The following VWDE variants were observed in gnomAD, a reference collection of about 807,000 sequenced individuals.
VWDE encodes the protein von Willebrand factor D and EGF domain-containing protein.
In VWDE, 207 loss-of-function variants were observed where a neutral mutation model predicts 178.4. That is an observed-to-expected ratio of 1.16 (90% CI 1.04 to 1.30). The LOEUF is 1.30. Among genes scored for constraint, VWDE ranks in the 50% most tolerant of loss-of-function variants. VWDE has a pLI of 0.00. For synonymous variants in VWDE, 738 were observed against 651.4 expected (o/e 1.13, Z -2.02); for missense variants, 2,287 against 1,901.3 (o/e 1.20, Z -3.77).
intron 12 of VWDE, 75 bp downstream of exon 12, chr7:12,369,470 G>T: frequency 7.0e-7 from 1 of 1,432,912 alleles, no homozygotes; most frequent in Non-Finnish European, 9.2e-7. Flanking sequence ...GGATACTGAG[G>T]GTGAAATAAA....
chr7:12,354,332 G>C (rs1001968296), intron 18 of VWDE: 3 of 407,834 alleles, frequency 7.4e-6, no homozygotes, highest in Non-Finnish European at 1.4e-5. Context: ...TCTCATAGCA[G>C]AAAATAGAAA....
chr7:12,354,040 T>A (rs1344224115), intron 18 of VWDE: 1 of 158,528 alleles, frequency 6.3e-6, no homozygotes, highest in Non-Finnish European at 1.4e-5. Context: ...TAAAACTTTT[T>A]CATTATTTCT....
At chr7:12,362,286 C>T (rs1397597042) in intron 13 of VWDE, among the ~76,000 whole-genome samples, 1 of 151,612 alleles carries the variant, frequency 6.6e-6, no homozygotes, top group Non-Finnish European at 1.5e-5. Context: ...TGTTCAAGTC[C>T]CAAGTTCAAG....
intron 6 of VWDE, 140 bp downstream of exon 6, chr7:12,379,337 C>G: frequency 2.0e-6 from 1 of 495,798 alleles, no homozygotes; most frequent in Non-Finnish European, 3.4e-6. Context: ...TGGGGCTTTT[C>G]TTCAAATATG....
chr7:12,334,789 T>C (rs903433862), intron 27 of VWDE, among the ~76,000 whole-genome samples: 1 of 152,326 alleles, frequency 6.6e-6, no homozygotes, highest in South Asian at 2.1e-4. Context: ...AATATGCTTT[T>C]AACATCTTCT....
At chr7:12,342,604 T>C (rs1224879356) in intron 22 of VWDE, among the ~76,000 whole-genome samples, 1 of 152,012 alleles carries the variant, frequency 6.6e-6, no homozygotes, top group African/African-American at 2.4e-5. Context: ...CATCAATGTG[T>C]GTTCTTTTTA....
intron 1 of VWDE, among the ~76,000 whole-genome samples, chr7:12,397,554 C>T (rs150011970): frequency 6.6e-6 from 1 of 152,072 alleles, no homozygotes; most frequent in African/African-American, 2.4e-5. Flanking sequence ...TTGCAAAAAA[C>T]CTAAAAATTA....
At position 12,403,661 on chromosome 7, in the gene VWDE, TC is replaced by T. The variant is rs1275418747; in HGVS notation, c.55del (p.Glu19LysfsTer35). 3.9e-6 allele frequency: 6 copies of T among 1,542,888 alleles called. No homozygotes were observed. The highest frequency in any genetic ancestry group is 2.7e-5 in the African/African-American group (2 of 72,860). ...CCCGCGCGCCCTACCTCGCTTACCT[TC>T]CCCCCAGGCCAGGAACATCAGCGCG... Reference protein sequence around the residue: ...VIALMFLAWGEAQECSPGGHQ... With the variant: ...VIALMFLAWGXAQECSPGGHQ... On this transcript the variant is annotated frameshift_variant, in exon 1 of 29. Transcript: ENST00000275358. LOFTEE classifies it high-confidence loss of function.
At chr7:12,356,031 A>C in intron 18 of VWDE, 80 bp downstream of exon 18, 1 of 1,102,932 alleles carries the variant, frequency 9.1e-7, no homozygotes, top group Non-Finnish European at 1.3e-6. Flanking sequence ...CTTTAGGACC[A>C]CACATTTGCT....
At chr7:12,345,259 TAAATA>T (rs1236084815) in intron 19 of VWDE, among the ~76,000 whole-genome samples, 6 of 152,094 alleles carry the variant, frequency 3.9e-5, no homozygotes, top group South Asian at 2.1e-4. Flanking sequence ...AAATGATCAA[TAAATA>T]AAATAAACGG....
intron 2 of VWDE, among the ~76,000 whole-genome samples, chr7:12,389,825 T>C (rs1165241033): frequency 6.6e-6 from 1 of 152,184 alleles, no homozygotes; most frequent in Non-Finnish European, 1.5e-5. Context: ...AAGGAAGGTA[T>C]TGTTCAAAAT....
chr7:12,372,904 C>G (rs2128556297), intron 10 of VWDE, 73 bp downstream of exon 10: 1 of 1,389,626 alleles, frequency 7.2e-7, no homozygotes, highest in East Asian at 2.5e-5. Context: ...ATGATAGCTC[C>G]TAATTTAATA....
intron 24 of VWDE, among the ~76,000 whole-genome samples, chr7:12,338,407 T>G (rs1781149799): frequency 6.6e-6 from 1 of 151,870 alleles, no homozygotes; most frequent in Non-Finnish European, 1.5e-5. Flanking sequence ...TTAGAAAATA[T>G]ATATTCTTTC....
intron 21 of VWDE, 29 bp downstream of exon 21, chr7:12,344,166 T>C (rs1781475449): frequency 6.5e-7 from 1 of 1,537,858 alleles, no homozygotes; most frequent in East Asian, 2.5e-5. Context: ...TTTTAGGCCT[T>C]ATATTTGATT....
chr7:12,350,798 A>G (rs188253513), intron 19 of VWDE, among the ~76,000 whole-genome samples: 14 of 152,284 alleles, frequency 9.2e-5, no homozygotes, highest in Admixed American at 5.2e-4. Context: ...TATTATGAGG[A>G]TTGAATGAGG....
chr7:12,376,007 A>T (rs1276163199), intron 7 of VWDE, among the ~76,000 whole-genome samples: 2 of 152,138 alleles, frequency 1.3e-5, no homozygotes, highest in African/African-American at 4.8e-5. Flanking sequence ...CTAAAAGGAA[A>T]AAAGTTGTTA....
chr7:12,398,494 C>CT (rs1196699299), intron 1 of VWDE, among the ~76,000 whole-genome samples: 1 of 152,060 alleles, frequency 6.6e-6, no homozygotes, highest in Non-Finnish European at 1.5e-5. Context: ...TCCTGTATTC[C>CT]TACATGTAGC....
chr7:12,337,386 T>TA (rs1781104359), intron 24 of VWDE, 114 bp from the exon 25 acceptor site: 1 of 918,452 alleles, frequency 1.1e-6, no homozygotes, highest in East Asian at 2.6e-5. Context: ...AATGTGCTAT[T>TA]AAAATAAAAG....
At chr7:12,394,008 T>A (rs1001214169) in intron 1 of VWDE, among the ~76,000 whole-genome samples, 6 of 152,212 alleles carry the variant, frequency 3.9e-5, no homozygotes. Flanking sequence ...GAATGTACTT[T>A]TGAAACACTT....
Sources: gnomAD v4.1 joint callset for allele counts (sites outside exome capture counted in the v4.1 genomes callset) on GRCh38, gnomAD v4.1.1 for gene constraint, MANE v1.5 for transcripts, NCBI Gene and HGNC (gene_info 2026-07-23, HGNC 2026-07-21) for gene names.